Variants in SASH1 observed in about 807,000 individuals in gnomAD.
The protein encoded by SASH1 is SAM and SH3 domain-containing protein 1.
In SASH1, 44 loss-of-function variants were observed where a neutral mutation model predicts 125.2. The observed-to-expected ratio is 0.35, with a 90% CI of 0.28 to 0.45. The LOEUF is 0.45. SASH1 is among the 20% of genes least tolerant of loss of function. The pLI is 1.00. For synonymous variants in SASH1, 639 were observed against 649.1 expected (o/e 0.98, Z 0.24); for missense variants, 1,426 against 1,614.5 (o/e 0.88, Z 2.00).
rs1474519729 is a variant in SASH1, at chr6:148,469,361, A to G, written c.427+776A>G. 2.0e-5 allele frequency among the ~76,000 whole-genome samples: 3 copies of G among 152,340 alleles called. No homozygotes were observed. In the East Asian group the frequency reaches 5.8e-4, roughly 29 times the overall value. ...AGTAGCTGAATAAATGTTAGCTATT[A>G]CCATTTATTAGGCTGCATCTCTGTT... On this transcript the variant is annotated intron_variant, in intron 5 of 19. Transcript: ENST00000367467.
At chr6:148,344,526 T>A (rs1358536579) in intron 1 of SASH1, among the ~76,000 whole-genome samples, 1 of 152,176 alleles carries the variant, frequency 6.6e-6, no homozygotes, top group Non-Finnish European at 1.5e-5. Flanking sequence ...AAGATTTCTA[T>A]CTGCTCTTGT....
chr6:148,513,692 C>G (rs1010220315), intron 8 of SASH1: 1 of 985,526 alleles, frequency 1.0e-6, no homozygotes, highest in Non-Finnish European at 1.2e-6. Flanking sequence ...TTTCCCTTGT[C>G]TCTCTTGGAG....
chr6:148,211,133 C>T, the SASH1 span, among the ~76,000 whole-genome samples: 2 of 152,188 alleles, frequency 1.3e-5, no homozygotes, highest in South Asian at 2.1e-4. Flanking sequence ...ACCTCAGAAA[C>T]AATTACATTC....
chr6:148,405,012 C>G (rs1177934859), intron 2 of SASH1, among the ~76,000 whole-genome samples: 1 of 151,954 alleles, frequency 6.6e-6, no homozygotes, highest in African/African-American at 2.4e-5. Context: ...TCATCACAGT[C>G]TAGGAAGAGA....
chr6:148,443,833 T>A (rs1376853908), intron 4 of SASH1, among the ~76,000 whole-genome samples: 1 of 152,190 alleles, frequency 6.6e-6, no homozygotes, highest in Non-Finnish European at 1.5e-5. Context: ...AAATAGACAA[T>A]CTCACTATTC....
intron 2 of SASH1, among the ~76,000 whole-genome samples, chr6:148,435,307 G>A: frequency 6.6e-6 from 1 of 150,900 alleles, no homozygotes; most frequent in East Asian, 1.9e-4. Flanking sequence ...GAACCTGGGA[G>A]GTGGAGGTTG....
the SASH1 span, chr6:148,240,135 G>A: frequency 2.0e-5 from 3 of 150,638 alleles, no homozygotes; most frequent in Non-Finnish European, 4.4e-5. Context: ...ATGCCTAAGA[G>A]GAAGAACATT....
rs67955694 is a variant in SASH1 at position 148,328,592 on chromosome 6, C to CA, written n.74+56229dup. 4.9e-3 allele frequency among the ~76,000 whole-genome samples: 663 copies of CA among 134,886 alleles called. 6 individuals are homozygous for CA. Among genetic ancestry groups the CA allele is most frequent in the Middle Eastern group, 7.2e-3 (2 of 278 alleles). 88.5% of individuals were successfully genotyped at this position (134,886 alleles called of 152,430 possible). ...TGGGTGACAGAGCAAGACTCCATCT[C>CA]AAAAAAAAAAAAAATAGTGGCAAGA... On this transcript the variant is annotated intron_variant and non_coding_transcript_variant, in intron 1 of 3. Transcript: ENST00000367469.
intron 4 of SASH1, among the ~76,000 whole-genome samples, chr6:148,451,750 A>G (rs1777110466): frequency 6.6e-6 from 1 of 152,250 alleles, no homozygotes; most frequent in Non-Finnish European, 1.5e-5. Context: ...TGGAATTATC[A>G]GTCCGCCTTT....
intron 16 of SASH1, among the ~76,000 whole-genome samples, chr6:148,536,601 A>G (rs549646199): frequency 1.6e-4 from 24 of 152,312 alleles, no homozygotes; most frequent in Non-Finnish European, 2.4e-4. Context: ...CGGCCTCCCA[A>G]AGTGCTGGGA....
intron 12 of SASH1, among the ~76,000 whole-genome samples, chr6:148,528,042 C>T (rs780026574): frequency 2.1e-4 from 32 of 149,392 alleles, no homozygotes; most frequent in Non-Finnish European, 3.7e-4. Flanking sequence ...GTTCTAGAAG[C>T]ACATAGCCAG....
intron 2 of SASH1, among the ~76,000 whole-genome samples, chr6:148,396,334 C>T (rs1363858030): frequency 6.6e-6 from 1 of 151,608 alleles, no homozygotes; most frequent in African/African-American, 2.4e-5. Context: ...CAAAATTAGC[C>T]AGGTGTGGTG....
rs1780161474 is a variant in SASH1 at position 148,307,085 on chromosome 6, TTTC to T, written n.74+34711_74+34713del. On this transcript the variant is annotated intron_variant and non_coding_transcript_variant, in intron 1 of 3. Transcript: ENST00000367469. The stretch of plus-strand genomic sequence containing the variant: ...CTTTCTTTCTTTCTTTCTTTCTTTC[TTTC>T]TTTCTTTCTCTCTCTCTGTCTCTTT... Among the ~76,000 whole-genome samples, 10 of 145,922 alleles carry T rather than the reference TTTC, an allele frequency of 6.9e-5. No homozygotes were observed. In the South Asian group the frequency reaches 2.2e-3, roughly 32 times the overall value.
the SASH1 span, among the ~76,000 whole-genome samples, chr6:148,223,136 GGAGCATGGTGGATAA>G: frequency 7.0e-6 from 1 of 143,296 alleles, no homozygotes; most frequent in East Asian, 2.2e-4. Context: ...GAGAGGCAGC[GGAGCATGGTGGATAA>G]GAGCCTAGAC....
chr6:148,387,612 C>CCTTCCTTCCTTCCTTCCTTCCT (rs1562371134), intron 1 of SASH1, among the ~76,000 whole-genome samples: 1 of 18,732 alleles, frequency 5.3e-5, no homozygotes. Flanking sequence ...TTCTTTCTTT[C>CCTTCCTTCCTTCCTTCCTTCCT]TTTCTTTCTT....
Position 148,535,787 on chromosome 6 carries a change from T to TCAAA in SASH1, c.2095+889_2095+892dup, listed in dbSNP as rs59997698. On this transcript the variant is annotated intron_variant, in intron 16 of 19. Coordinates refer to ENST00000367467, the MANE Select transcript of SASH1 (RefSeq NM_015278.5). ...GGAGTATCCTTTCCAGTTACTGAAT[T>TCAAA]CAAACACGTTTTCCTTCAAGGACTC... 4.6e-3 allele frequency among the ~76,000 whole-genome samples: 706 copies of TCAAA among 152,318 alleles called. 6 individuals are homozygous for TCAAA. The highest frequency in any genetic ancestry group is 0.016 in the African/African-American group (674 of 41,570).
chr6:148,517,976 G>GAGA (rs1316304732), intron 9 of SASH1, among the ~76,000 whole-genome samples: 1 of 152,188 alleles, frequency 6.6e-6, no homozygotes, highest in Non-Finnish European at 1.5e-5. Context: ...TTCTTTAATA[G>GAGA]AGAAGTCCAT....
At chr6:148,438,739 A>C (rs1317215610) in intron 2 of SASH1, among the ~76,000 whole-genome samples, 2 of 132,170 alleles carry the variant, frequency 1.5e-5, no homozygotes, top group South Asian at 3.2e-4. Context: ...AAAAAAAAAA[A>C]AAAAAAACCA....
At chr6:148,477,339 A>G (rs1346565869) in intron 7 of SASH1, among the ~76,000 whole-genome samples, 3 of 152,236 alleles carry the variant, frequency 2.0e-5, no homozygotes, top group Non-Finnish European at 4.4e-5. Context: ...AATAAACAAT[A>G]TATGTGGAAC....
Sources: allele counts gnomAD v4.1 joint callset (sites outside exome capture counted in the v4.1 genomes callset), GRCh38; gene constraint gnomAD v4.1.1; transcripts MANE v1.5; gene names NCBI Gene and HGNC (gene_info 2026-07-23, HGNC 2026-07-21).